TTBK1: variants seen among roughly 807,000 people sequenced by gnomAD.
TTBK1 encodes the protein tau tubulin kinase 1.
TTBK1 carries 34 observed loss-of-function variants against 108.5 expected under a neutral mutation model. That is an observed-to-expected ratio of 0.31 (90% confidence interval 0.24 to 0.42). The LOEUF (loss-of-function observed/expected upper bound fraction) is 0.42, where lower values mean the gene tolerates loss of function less well. Ranked by LOEUF, TTBK1 falls within the 10% of genes least tolerant of loss-of-function variation. The pLI is 1.00. For missense variants in TTBK1, 1,539 were observed against 1,826.0 expected (o/e 0.84, Z 2.86); for synonymous variants, 809 against 795.1 (o/e 1.02, Z -0.29).
Position 43,253,275 on chromosome 6 carries a change from T to C in TTBK1, c.257-16T>C. On this transcript the variant is annotated splice_polypyrimidine_tract_variant and intron_variant, in intron 3 of 14. Coordinates refer to ENST00000259750, the MANE Select transcript of TTBK1 (RefSeq NM_032538.3). The surrounding 1 kb of genome is among the most constrained non-coding windows in gnomAD (Gnocchi z 5.8). ...GAAAGAGTAAGAGCTGGAAGACCTATGTCTGTGCCCCTCAGGGAAGGACCA... is the reference window on the plus strand; with the variant it reads ...GAAAGAGTAAGAGCTGGAAGACCTACGTCTGTGCCCCTCAGGGAAGGACCA... 1.2e-6 allele frequency: 2 copies of C among 1,614,006 alleles called. No individual in the cohort carries two copies. The highest frequency in any genetic ancestry group is 1.3e-5 in the African/African-American group (1 of 75,002).
Position 43,243,954 on chromosome 6 carries a change from A to G in TTBK1, c.-55+246A>G, listed in dbSNP as rs1037857461. Among the ~76,000 whole-genome samples the G allele has an allele frequency of 2.7e-5, 4 of 149,744 alleles. No homozygotes were observed. Among genetic ancestry groups the G allele is most frequent in the Non-Finnish European group, 5.9e-5 (4 of 67,340 alleles). ...CCGGGCACTTTGCTCCTCCCCACTC[A>G]CCTCCGTCCCCTGTCCCCATGGCTT... On this transcript the variant is annotated intron_variant, in intron 1 of 14. Coordinates refer to ENST00000259750, the MANE Select transcript of TTBK1 (RefSeq NM_032538.3). The surrounding 1 kb of genome is among the most constrained non-coding windows in gnomAD (Gnocchi z 5.5).
rs1214493096 is a variant in TTBK1, at chr6:43,276,616, G to A, written c.1987-6111G>A. Among the ~76,000 whole-genome samples the A allele has an allele frequency of 1.3e-5, 2 of 152,232 alleles. No individual in the cohort carries two copies. Among genetic ancestry groups the A allele is most frequent in the African/African-American group, 4.8e-5 (2 of 41,466 alleles). Reference sequence around the variant, plus strand: ...CCCTGTATGTTAATGCAGACAATCCGGAGAGCTTGTGTACTACCAAATCCT... The same window carrying A: ...CCCTGTATGTTAATGCAGACAATCCAGAGAGCTTGTGTACTACCAAATCCT... On this transcript the variant is annotated intron_variant, in intron 13 of 14. Transcript: ENST00000259750. This position sits in a 1 kb window ranked among gnomAD's most constrained non-coding sequence, Gnocchi z 5.4.
chr6:43,270,529 TC>T, intron 13 of TTBK1: 1 of 984,678 alleles, frequency 1.0e-6, no homozygotes, highest in Non-Finnish European at 1.2e-6. Context: ...TGCTCAGTGA[TC>T]GGGGGAGGAG....
At position 43,263,056 on chromosome 6, in the gene TTBK1, G is replaced by C; in HGVS notation, c.1692G>C (p.Ser564=). Residue 564 remains serine (S), a synonymous_variant, in exon 13 of 15, where the codon TCG becomes TCC. Coordinates refer to ENST00000259750, the MANE Select transcript of TTBK1 (RefSeq NM_032538.3). This position sits in a 1 kb window ranked among gnomAD's most constrained non-coding sequence, Gnocchi z 4.7. ...CTCCAGGGGCTGAGCCCAGCACATC[G>C]GGCACCACGGATGAGGAGCCCGAGG... is the stretch of plus-strand genomic sequence containing the variant. The part of the protein sequence containing the change: ...DFPPGAEPST[S]GTTDEEPEEL... The C allele has an allele frequency of 2.5e-6, 4 of 1,584,890 alleles. No homozygotes were observed. The highest frequency in any genetic ancestry group is 3.4e-6 in the Non-Finnish European group (4 of 1,165,914).
chr6:43,247,807 A>G (rs914074626), intron 2 of TTBK1, among the ~76,000 whole-genome samples: 4 of 152,192 alleles, frequency 2.6e-5, no homozygotes, highest in African/African-American at 9.7e-5. Flanking sequence ...AAACCTAGAA[A>G]GAGGCAACGG....
chr6:43,263,166 A>C lies in TTBK1; in HGVS notation c.1802A>C (p.Gln601Pro). Reference protein sequence around the residue: ...PTVRPRGRSMQALAEEDLQHL... With the variant: ...PTVRPRGRSMPALAEEDLQHL... ...GTCCGGCCCCGGGGACGCAGCATGC[A>C]GGCGCTGGCGGAGGAGGACCTGCAG... is the stretch of plus-strand genomic sequence containing the variant. Residue 601 changes from glutamine to proline, a missense_variant, in exon 13 of 15, where the codon CAG becomes CCG. Coordinates refer to ENST00000259750, the MANE Select transcript of TTBK1 (RefSeq NM_032538.3). This position sits in a 1 kb window ranked among gnomAD's most constrained non-coding sequence, Gnocchi z 4.7. 2 of 1,574,176 alleles carry C rather than the reference A, an allele frequency of 1.3e-6. No homozygotes were observed. Among genetic ancestry groups the C allele is most frequent in the Non-Finnish European group, 1.7e-6 (2 of 1,159,028 alleles).
chr6:43,278,098 G>A (rs939188851), intron 13 of TTBK1, among the ~76,000 whole-genome samples: 1 of 152,198 alleles, frequency 6.6e-6, no homozygotes, highest in Non-Finnish European at 1.5e-5. Context: ...CCAGGCAGGA[G>A]TGGCTCCATG....
Position 43,255,663 on chromosome 6 carries a change from G to T in TTBK1, c.735+19G>T. On this transcript the variant is annotated intron_variant, in intron 8 of 14. Transcript: ENST00000259750. ...GGACAAGGTGAGCCCCAGGCAGCTG[G>T]GTCTGAGGTGGCAGAAGGAGTGTCA... is the stretch of plus-strand genomic sequence containing the variant. 1 of 1,614,120 alleles carries T rather than the reference G, an allele frequency of 6.2e-7. No individual in the cohort carries two copies.
chr6:43,258,912 CCT>C (rs1459955304), intron 10 of TTBK1, 124 bp from the exon 11 acceptor site: 1 of 655,070 alleles, frequency 1.5e-6, no homozygotes, highest in Non-Finnish European at 2.6e-6. Context: ...CACTCTCACC[CCT>C]GACGGGACTG....
In TTBK1 at chr6:43,262,824, A is replaced by T; in HGVS notation, c.1460A>T (p.Gln487Leu). ...RMDLPGSPSR[Q>L]ACSSQPAQML... ...GATCTGCCTGGCTCGCCCTCGCGCC[A>T]GGCCTGCTCCTCTCAGCCAGCCCAG... The change falls in exon 13 of 15, where the codon CAG becomes CTG. Residue 487 changes from glutamine (Q) to leucine (L), a missense_variant. Gln to Leu is a moderately radical substitution (Grantham distance 113, BLOSUM62 -2). This residue lies in a region of TTBK1 where 277 missense variants were observed against 332.4 expected (regional missense o/e 0.83). Coordinates refer to ENST00000259750, the MANE Select transcript of TTBK1 (RefSeq NM_032538.3). 1.3e-6 allele frequency: 2 copies of T among 1,593,152 alleles called. No homozygotes were observed. Among genetic ancestry groups the T allele is most frequent in the Non-Finnish European group, 8.6e-7 (1 of 1,166,852 alleles).
intron 1 of TTBK1, among the ~76,000 whole-genome samples, chr6:43,244,373 A>T (rs1269340959): frequency 1.3e-5 from 2 of 152,082 alleles, no homozygotes; most frequent in Non-Finnish European, 2.9e-5. Flanking sequence ...GGCCATGATG[A>T]GCTCCCACCA....
rs1448599125 is a variant in TTBK1, at chr6:43,283,635, C to T, written c.2895C>T (p.Ala965=). 1 of 1,613,976 alleles carries T rather than the reference C, an allele frequency of 6.2e-7. No homozygotes were observed. The highest frequency in any genetic ancestry group is 1.3e-5 in the African/African-American group (1 of 74,922). The change falls in exon 14 of 15, where the codon GCC becomes GCT. Residue 965 remains alanine (A), a synonymous_variant. Coordinates refer to ENST00000259750, the MANE Select transcript of TTBK1 (RefSeq NM_032538.3). The surrounding 1 kb of genome is among the most constrained non-coding windows in gnomAD (Gnocchi z 8.1). ...GGGGCGAGCTGGGTCTGGAGCTGGC[C>T]TCTGATGGGGGCGCTGTGGAGGAGG... ...SAGGELGLEL[A]SDGGAVEEGA...
chr6:43,253,561 C>G lies in TTBK1; in HGVS notation c.331-7C>G. The G allele has an allele frequency of 6.2e-7, 1 of 1,603,580 alleles. No individual in the cohort carries two copies. The highest frequency in any genetic ancestry group is 1.1e-5 in the South Asian group (1 of 89,952). ...TGAGTCTACCCCCCACCTCCACCCCCATGCAGGGCCGGAACCTGGCCGACC... is the reference window on the plus strand; with the variant it reads ...TGAGTCTACCCCCCACCTCCACCCCGATGCAGGGCCGGAACCTGGCCGACC... On this transcript the variant is annotated splice_polypyrimidine_tract_variant and splice_region_variant and intron_variant, in intron 4 of 14. Transcript: ENST00000259750. This position sits in a 1 kb window ranked among gnomAD's most constrained non-coding sequence, Gnocchi z 5.8.
At chr6:43,277,140 C>T (rs901192883) in intron 13 of TTBK1, among the ~76,000 whole-genome samples, 4 of 152,170 alleles carry the variant, frequency 2.6e-5, no homozygotes, top group African/African-American at 9.7e-5. Context: ...GGACACTGTA[C>T]TGAGGAGCCT....
intron 1 of TTBK1, 29 bp from the exon 2 acceptor site, chr6:43,246,578 G>C: frequency 9.2e-7 from 1 of 1,085,538 alleles, no homozygotes; most frequent in Non-Finnish European, 1.3e-6. Context: ...TCCGCAGCCC[G>C]CCCTCACAGG....
At chr6:43,244,390 C>G (rs191360744) in intron 1 of TTBK1, among the ~76,000 whole-genome samples, 7 of 152,212 alleles carry the variant, frequency 4.6e-5, no homozygotes, top group Middle Eastern at 3.4e-3. Context: ...ACCAGTTCCA[C>G]GTACCCCTGT....
At chr6:43,275,561 A>G (rs1318809440) in intron 13 of TTBK1, among the ~76,000 whole-genome samples, 4 of 142,740 alleles carry the variant, frequency 2.8e-5, no homozygotes, top group Non-Finnish European at 4.6e-5. Context: ...CCCACCCCTG[A>G]CTCCCGTTAC....
intron 1 of TTBK1, among the ~76,000 whole-genome samples, chr6:43,244,081 T>C (rs985168928): frequency 6.6e-6 from 1 of 152,046 alleles, no homozygotes; most frequent in African/African-American, 2.4e-5. Context: ...CCTTCTTACC[T>C]ACTTCCTCAC....
At position 43,247,457 on chromosome 6, in the gene TTBK1, CT is replaced by C. The variant is rs1298154643; in HGVS notation, c.108+694del. Among the ~76,000 whole-genome samples, 3 of 152,318 alleles carry C rather than the reference CT, an allele frequency of 2.0e-5. No individual in the cohort carries two copies. In the East Asian group the frequency reaches 5.8e-4, roughly 29 times the overall value. On this transcript the variant is annotated intron_variant, in intron 2 of 14. Transcript: ENST00000259750. ...GCGAGACCTACTGTAAATCACCTCC[CT>C]TTTTCCGTCACTTAATAGCGCTCTG...
Sources: gnomAD v4.1 joint callset for allele counts (sites outside exome capture counted in the v4.1 genomes callset) on GRCh38, gnomAD v4.1.1 for gene constraint, gnomAD v4.1.1 regional missense constraint, Gnocchi (gnomAD v3.1) non-coding constraint, MANE v1.5 for transcripts, NCBI Gene and HGNC (gene_info 2026-07-23, HGNC 2026-07-21) for gene names.